STIL: variants seen among roughly 807,000 people sequenced by gnomAD.
STIL encodes the protein SCL-interrupting locus protein.
Under a neutral mutation model 110.1 loss-of-function variants are expected in STIL, and 55 were observed. The observed-to-expected ratio is 0.50, with a 90% confidence interval of 0.40 to 0.63. STIL has a LOEUF of 0.63. STIL is among the 20% of genes least tolerant of loss of function. STIL has a pLI of 0.00. For missense variants in STIL, 1,358 were observed against 1,530.0 expected, an observed-to-expected ratio of 0.89 and a Z score of 1.87; for synonymous variants, 481 against 530.0, an observed-to-expected ratio of 0.91 and a Z score of 1.27.
intron 14 of STIL, among the ~76,000 whole-genome samples, chr1:47,268,979 C>T (rs1644739085): frequency 8.2e-6 from 1 of 121,456 alleles, no homozygotes; most frequent in Non-Finnish European, 1.9e-5. Context: ...AGCCTGTAGT[C>T]CCAGCTACAC....
chr1:47,297,515 T>C (rs1470590655), intron 6 of STIL, among the ~76,000 whole-genome samples: 1 of 152,182 alleles, frequency 6.6e-6, no homozygotes, highest in Non-Finnish European at 1.5e-5. Context: ...TTATTTCCAA[T>C]GTCTAACATA....
rs199558457 is a variant in STIL, at chr1:47,260,308, G to A, written c.3061C>T (p.His1021Tyr). 7.9e-5 allele frequency: 128 copies of A among 1,613,986 alleles called. No homozygotes were observed. In the East Asian group the frequency reaches 2.7e-3, roughly 34 times the overall value. ...DSPTKVKKNA[H>Y]NVDHASVLAC... ...AGTTACCTGGCGTGATCCACGTTAT[G>A]TGCATTTTTCTTCACTTTAGTGGGA... The change falls in exon 16 of 17, where the codon CAT becomes TAT. Residue 1021 changes from histidine to tyrosine, a missense_variant. By Grantham distance (83) the His-to-Tyr change is moderately conservative. Transcript: ENST00000371877.
chr1:47,292,601 C>T (rs948680881), intron 8 of STIL, among the ~76,000 whole-genome samples: 1 of 151,924 alleles, frequency 6.6e-6, no homozygotes, highest in Non-Finnish European at 1.5e-5. Flanking sequence ...ATAATTTATA[C>T]AGAAAAAAGC....
chr1:47,280,409 C>T lies in STIL; in HGVS notation c.2049G>A (p.Ser683=), dbSNP rs183877283. 7 of 1,614,152 alleles carry T rather than the reference C, an allele frequency of 4.3e-6. No individual in the cohort carries two copies. The highest frequency in any genetic ancestry group is 3.3e-5 in the Admixed American group (2 of 60,020). The change falls in exon 12 of 17, where the codon TCG becomes TCA. Residue 683 remains serine, a synonymous_variant. Coordinates refer to ENST00000371877, the MANE Select transcript of STIL (RefSeq NM_001048166.1). The stretch of plus-strand genomic sequence containing the variant: ...TATGTGAAGGCGGTCTTGCCACAGG[C>T]GATGGTTCAATATTGCTGTGGGGAG... The part of the protein sequence containing the change: ...SCSPHSNIEP[S]PVARPPSHMD...
At chr1:47,312,358 C>T (rs140297353) in intron 1 of STIL, among the ~76,000 whole-genome samples, 275 of 151,750 alleles carry the variant, frequency 1.8e-3, no homozygotes, top group African/African-American at 6.2e-3. Context: ...GGTGTGGTGG[C>T]GGGCACCTGT....
At chr1:47,256,439 A>C (rs1418474637) in intron 16 of STIL, among the ~76,000 whole-genome samples, 1 of 151,488 alleles carries the variant, frequency 6.6e-6, no homozygotes, top group East Asian at 1.9e-4. Flanking sequence ...TGGCCAATAT[A>C]GTGAAACCCC....
In STIL at chr1:47,286,651, G is replaced by A. The variant is rs575007273; in HGVS notation, c.1133+900C>T. Among the ~76,000 whole-genome samples, 1,183 of 151,664 alleles carry A rather than the reference G, an allele frequency of 7.8e-3. 5 individuals are homozygous for A. Among genetic ancestry groups the A allele is most frequent in the African/African-American group, 0.027 (1,108 of 41,286 alleles). On this transcript the variant is annotated intron_variant, in intron 10 of 16. Transcript: ENST00000371877. ...CGGAGCTTGCAGTGAGCTGAGATAC[G>A]CCACTGCACTCCAGCCTGGGCGACA... is the stretch of plus-strand genomic sequence containing the variant.
At chr1:47,312,728 T>C (rs1185260460) in intron 1 of STIL, among the ~76,000 whole-genome samples, 1 of 152,206 alleles carries the variant, frequency 6.6e-6, no homozygotes, top group Non-Finnish European at 1.5e-5. Context: ...GATTTCTTAT[T>C]TTAAAACAAT....
chr1:47,289,380 C>T (rs1489994076), intron 9 of STIL, 55 bp downstream of exon 9: 4 of 1,536,956 alleles, frequency 2.6e-6, no homozygotes, highest in South Asian at 2.3e-5. Context: ...GTTTAAACTG[C>T]CAAAGTGCAA....
chr1:47,255,126 T>C (rs986610321), intron 16 of STIL, among the ~76,000 whole-genome samples: 2 of 146,906 alleles, frequency 1.4e-5, no homozygotes, highest in Non-Finnish European at 3.0e-5. Flanking sequence ...ACCACATCAC[T>C]AAAAAAAAAA....
chr1:47,309,886 T>C (rs918955745), intron 2 of STIL, among the ~76,000 whole-genome samples: 5 of 152,278 alleles, frequency 3.3e-5, no homozygotes, highest in African/African-American at 1.2e-4. Flanking sequence ...GTCTAGAAAG[T>C]AAACAAACAC....
In STIL at chr1:47,301,581, C is replaced by A; in HGVS notation, c.433G>T (p.Asp145Tyr). ...CGCACCTTTAAAGCTGAACTGAAGT[C>A]ATCTACACTGTGAACTATCATTTCT... is the stretch of plus-strand genomic sequence containing the variant. The part of the protein sequence containing the change: ...SREMIVHSVD[D>Y]FSSALKALQC... The change falls in exon 5 of 17, where the codon GAC becomes TAC. Residue 145 changes from aspartate to tyrosine, a missense_variant. Asp to Tyr is a radical substitution (Grantham distance 160). Transcript: ENST00000371877. 6.2e-7 allele frequency: 1 copy of A among 1,612,988 alleles called. No homozygotes were observed. Among genetic ancestry groups the A allele is most frequent in the South Asian group, 1.1e-5 (1 of 90,996 alleles).
chr1:47,288,753 T>G (rs1401965030), intron 9 of STIL, among the ~76,000 whole-genome samples: 1 of 151,406 alleles, frequency 6.6e-6, no homozygotes, highest in African/African-American at 2.4e-5. Flanking sequence ...ATTTTAAAAA[T>G]AATACAGTCA....
chr1:47,283,307 G>A (rs1323171594), intron 10 of STIL: 1 of 152,216 alleles, frequency 6.6e-6, no homozygotes. Flanking sequence ...TGTCTGAAGA[G>A]GTAGACCTTC....
intron 14 of STIL, among the ~76,000 whole-genome samples, chr1:47,267,864 C>T (rs531353380): frequency 5.9e-5 from 9 of 151,950 alleles, no homozygotes; most frequent in East Asian, 2.0e-4. Context: ...TGTGCACCAC[C>T]GTGCCCAGTT....
Position 47,280,496 on chromosome 1 carries a change from A to G in STIL, c.1962T>C (p.Asn654=). The part of the protein sequence containing the change: ...HPSGCPALYC[N]AFCSSSSPIA... The stretch of plus-strand genomic sequence containing the variant: ...TAGGACTACTTGAAGAACAGAATGC[A>G]TTACAGTACAGGGCTGGACATCCAC... Residue 654 remains asparagine (N), a synonymous_variant, in exon 12 of 17, where the codon AAT becomes AAC. Transcript: ENST00000371877. 1 of 1,614,254 alleles carries G rather than the reference A, an allele frequency of 6.2e-7. No individual in the cohort carries two copies. The highest frequency in any genetic ancestry group is 8.5e-7 in the Non-Finnish European group (1 of 1,180,044).
Position 47,250,857 on chromosome 1 carries a change from A to AG in STIL, c.*278dup, listed in dbSNP as rs1644164487. ...CAGTATAAAAGAGCAGTTGAGACTT[A>AG]GAGCTGGATAGTATCTGTCTACTAC... On this transcript the variant is annotated 3_prime_UTR_variant, in exon 17 of 17. Coordinates refer to ENST00000371877, the MANE Select transcript of STIL (RefSeq NM_001048166.1). 2.8e-6 allele frequency: 1 copy of AG among 354,336 alleles called. No homozygotes were observed. The highest frequency in any genetic ancestry group is 4.3e-5 in the Admixed American group (1 of 23,022). The allele number at this position is 354,336 out of a possible 1,614,324, so 21.9% of individuals were successfully genotyped here.
At chr1:47,295,635 A>G in intron 7 of STIL, 130 bp downstream of exon 7, 1 of 679,304 alleles carries the variant, frequency 1.5e-6, no homozygotes, top group Non-Finnish European at 2.5e-6. Flanking sequence ...AAATAAGAAA[A>G]CCTGACAACC....
intron 14 of STIL, 141 bp downstream of exon 14, chr1:47,269,494 T>C: frequency 1.5e-6 from 1 of 657,896 alleles, no homozygotes; most frequent in Non-Finnish European, 2.6e-6. Flanking sequence ...AAGTGATAGA[T>C]TTGTTGGTCT....
Sources: allele counts gnomAD v4.1 joint callset (sites outside exome capture counted in the v4.1 genomes callset), GRCh38; gene constraint gnomAD v4.1.1; transcripts MANE v1.5; gene names NCBI Gene and HGNC (gene_info 2026-07-23, HGNC 2026-07-21).